NFATC2: variants seen among roughly 807,000 people sequenced by gnomAD.
The protein encoded by NFATC2 is nuclear factor of activated T cells 2.
In NFATC2, 22 loss-of-function variants were observed where a neutral mutation model predicts 87.3. The observed-to-expected ratio is 0.25, with a 90% CI of 0.18 to 0.36. NFATC2 has a LOEUF of 0.36. NFATC2 is among the 10% of genes least tolerant of loss of function. NFATC2 has a pLI of 1.00. For synonymous variants in NFATC2, 565 were observed against 542.2 expected, an observed-to-expected ratio of 1.04 and a Z score of -0.58; for missense variants, 1,149 against 1,259.1, an observed-to-expected ratio of 0.91 and a Z score of 1.32.
intron 10 of NFATC2, 76 bp downstream of exon 10, chr20:51,398,567 A>C (rs937333272): frequency 9.1e-6 from 8 of 883,126 alleles, no homozygotes; most frequent in Admixed American, 4.3e-5. Context: ...CTTATACTTT[A>C]CTTAAAAAAA....
upstream of NFATC2, among the ~76,000 whole-genome samples, chr20:51,545,183 G>A (rs2076879118): frequency 1.3e-5 from 2 of 152,178 alleles, no homozygotes; most frequent in African/African-American, 4.8e-5. Context: ...TAGAAAAGGA[G>A]AAAAGCTAGG....
intron 1 of NFATC2, among the ~76,000 whole-genome samples, chr20:51,538,848 G>A (rs1349425244): frequency 6.6e-6 from 1 of 152,180 alleles, no homozygotes; most frequent in South Asian, 2.1e-4. Flanking sequence ...CCAGAGAGAT[G>A]AGATGACTTG....
At chr20:51,421,249 T>A (rs1349569446) in intron 9 of NFATC2, among the ~76,000 whole-genome samples, 1 of 152,138 alleles carries the variant, frequency 6.6e-6, no homozygotes, top group Non-Finnish European at 1.5e-5. Flanking sequence ...TAGTTACATA[T>A]GTTCAAAATA....
chr20:51,519,770 G>T (rs2076412704), intron 2 of NFATC2, among the ~76,000 whole-genome samples: 2 of 117,646 alleles, frequency 1.7e-5, no homozygotes, highest in Non-Finnish European at 3.5e-5. Context: ...AAAAAAAAAA[G>T]CCAGGTGTGG....
chr20:51,476,964 T>C (rs1046354764), intron 3 of NFATC2, among the ~76,000 whole-genome samples: 1 of 152,196 alleles, frequency 6.6e-6, no homozygotes, highest in Non-Finnish European at 1.5e-5. Flanking sequence ...GTATAACTAT[T>C]TTAAAGAGTA....
At chr20:51,443,463 G>A (rs1033384150) in intron 6 of NFATC2, among the ~76,000 whole-genome samples, 49 of 152,190 alleles carry the variant, frequency 3.2e-4, no homozygotes, top group African/African-American at 9.9e-4. Context: ...CTCTCCAGCC[G>A]CAGGACCCTG....
chr20:51,488,039 C>T lies in NFATC2; in HGVS notation c.1333-12379G>A, dbSNP rs867499309. Among the ~76,000 whole-genome samples, 7 of 152,098 alleles carry T rather than the reference C, an allele frequency of 4.6e-5. No individual in the cohort carries two copies. The South Asian group carries it at 1.0e-3, about 23-fold the overall frequency. On this transcript the variant is annotated intron_variant, in intron 3 of 10. Coordinates refer to ENST00000371564, the MANE Select transcript of NFATC2 (RefSeq NM_012340.5). The stretch of plus-strand genomic sequence containing the variant: ...ACGCATCATTCAGGAACAAGGGGCC[C>T]GTTCTTATGTGGAGCGTATGGGGCC...
chr20:51,501,662 A>T (rs1296405316), intron 3 of NFATC2, among the ~76,000 whole-genome samples: 1 of 151,986 alleles, frequency 6.6e-6, no homozygotes, highest in East Asian at 1.9e-4. Flanking sequence ...TCCATCCCCC[A>T]TTCCTGCCTT....
intron 1 of NFATC2, among the ~76,000 whole-genome samples, chr20:51,528,590 A>G (rs1288295707): frequency 2.0e-5 from 3 of 152,260 alleles, no homozygotes; most frequent in African/African-American, 7.2e-5. Context: ...TAATAGTGAC[A>G]TCCTCCAGGG....
chr20:51,542,754 G>GGGA (rs1555819135), upstream of NFATC2: 3 of 476,752 alleles, frequency 6.3e-6, 1 homozygote, highest in Non-Finnish European at 7.6e-6. Context: ...GGAGGCGGGG[G>GGGA]GGGGGGGGGC....
Position 51,516,883 on chromosome 20 carries a change from C to T in NFATC2, c.1233G>A (p.Arg411=). Residue 411 remains arginine (R), a synonymous_variant, in exon 3 of 11, where the codon CGG becomes CGA. Transcript: ENST00000371564. Reference sequence around the variant, plus strand: ...GATGTGGCTTGGGCTGCACCTCGATCCGCAGCTCGTAAGAGCCTGACTGAC... The same window carrying T: ...GATGTGGCTTGGGCTGCACCTCGATTCGCAGCTCGTAAGAGCCTGACTGAC... ...LSSQSGSYEL[R]IEVQPKPHHR... 6.2e-7 allele frequency: 1 copy of T among 1,614,202 alleles called. No individual in the cohort carries two copies. The highest frequency in any genetic ancestry group is 1.6e-4 in the Middle Eastern group (1 of 6,062).
chr20:51,464,737 A>G (rs184811977), intron 5 of NFATC2, among the ~76,000 whole-genome samples: 2 of 152,366 alleles, frequency 1.3e-5, no homozygotes, highest in East Asian at 1.9e-4. Context: ...TCTCTGATTT[A>G]TAATGAGATG....
At chr20:51,540,877 T>C (rs983775204) in intron 1 of NFATC2, among the ~76,000 whole-genome samples, 1 of 152,076 alleles carries the variant, frequency 6.6e-6, no homozygotes, top group African/African-American at 2.4e-5. Context: ...ATTCGTTCCC[T>C]GAAAAACATG....
At chr20:51,454,954 A>T (rs1986247497) in intron 5 of NFATC2, among the ~76,000 whole-genome samples, 1 of 152,258 alleles carries the variant, frequency 6.6e-6, no homozygotes, top group Non-Finnish European at 1.5e-5. Flanking sequence ...TTCTCCTTAC[A>T]GGAAGCCAGA....
intron 9 of NFATC2, among the ~76,000 whole-genome samples, chr20:51,426,528 C>T (rs1158257499): frequency 6.6e-6 from 1 of 151,936 alleles, no homozygotes; most frequent in Non-Finnish European, 1.5e-5. Context: ...ATGGAAGATC[C>T]CTTTTATTGA....
intron 3 of NFATC2, among the ~76,000 whole-genome samples, chr20:51,478,811 C>T (rs2146531372): frequency 6.6e-6 from 1 of 152,332 alleles, no homozygotes; most frequent in East Asian, 1.9e-4. Flanking sequence ...CTCCTGCCAA[C>T]ACCAGCCATC....
Position 51,432,409 on chromosome 20 carries a change from T to A in NFATC2, c.2380A>T (p.Ser794Cys), listed in dbSNP as rs1383923757. Residue 794 changes from serine (S) to cysteine (C), a missense_variant, in exon 9 of 11, where the codon AGC (serine) becomes TGC (cysteine). Around this residue, in one of 3 missense-constraint regions of NFATC2, gnomAD observed 581 missense variants for 649.7 expected, o/e 0.89. Transcript: ENST00000371564. The surrounding 1 kb of genome is among the most constrained non-coding windows in gnomAD (Gnocchi z 4.6). Reference protein sequence around the residue: ...VLVHAGSQGQSSALLHPSPTN... With the variant: ...VLVHAGSQGQCSALLHPSPTN... ...GGAGAGGGGTGGAGCAGGGCTGAGC[T>A]CTGGCCCTGGGAGCCGGCGTGCACC... 4 of 1,597,674 alleles carry A rather than the reference T, an allele frequency of 2.5e-6. No individual in the cohort carries two copies. The highest frequency in any genetic ancestry group is 3.4e-6 in the Non-Finnish European group (4 of 1,169,976).
At chr20:51,518,519 A>G (rs992580054) in intron 2 of NFATC2, among the ~76,000 whole-genome samples, 1 of 151,948 alleles carries the variant, frequency 6.6e-6, no homozygotes, top group African/African-American at 2.4e-5. Flanking sequence ...TTCCAACCAC[A>G]TTGCCTCCTG....
chr20:51,404,522 A>G (rs1988367522), intron 9 of NFATC2, among the ~76,000 whole-genome samples: 1 of 152,224 alleles, frequency 6.6e-6, no homozygotes, highest in Non-Finnish European at 1.5e-5. Context: ...ATGGGAATGC[A>G]TATATATGGC....
Sources: allele counts gnomAD v4.1 joint callset (sites outside exome capture counted in the v4.1 genomes callset), GRCh38; gene constraint gnomAD v4.1.1; regional missense constraint gnomAD v4.1.1; non-coding constraint Gnocchi (gnomAD v3.1); transcripts MANE v1.5; gene names NCBI Gene and HGNC (gene_info 2026-07-23, HGNC 2026-07-21).